Variants in CNTNAP5 observed in about 807,000 individuals in gnomAD.
CNTNAP5 encodes contactin-associated protein-like 5.
In CNTNAP5, 72 loss-of-function variants were observed where a neutral mutation model predicts 150.2. The observed-to-expected ratio is 0.48, with a 90% CI of 0.40 to 0.58. The LOEUF is 0.58. CNTNAP5 is among the 20% of genes least tolerant of loss of function. The probability of loss-of-function intolerance (pLI) is 0.00; values close to 1 mark genes in which losing one functional copy is unlikely to be tolerated. For missense variants in CNTNAP5, 1,636 were observed against 1,626.2 expected, an observed-to-expected ratio of 1.01 and a Z score of -0.10; for synonymous variants, 672 against 619.8, an observed-to-expected ratio of 1.08 and a Z score of -1.25.
chr2:124,149,615 A>G (rs1684354534), intron 1 of CNTNAP5, among the ~76,000 whole-genome samples: 1 of 152,152 alleles, frequency 6.6e-6, no homozygotes, highest in Admixed American at 6.5e-5. Flanking sequence ...GAAAAGAAAA[A>G]GACAGACTAA....
intron 3 of CNTNAP5, among the ~76,000 whole-genome samples, chr2:124,315,590 C>T (rs1005887267): frequency 4.6e-5 from 7 of 151,892 alleles, no homozygotes; most frequent in South Asian, 2.1e-4. Context: ...TTAGTATAAA[C>T]GTTTTGCTGC....
chr2:124,236,395 G>A (rs1224458555), intron 2 of CNTNAP5, among the ~76,000 whole-genome samples: 3 of 152,162 alleles, frequency 2.0e-5, no homozygotes, highest in African/African-American at 7.2e-5. Context: ...TACGCCCAGG[G>A]TTCTTGCCAA....
intron 1 of CNTNAP5, among the ~76,000 whole-genome samples, chr2:124,171,144 G>A (rs1032917633): frequency 2.6e-5 from 4 of 152,178 alleles, no homozygotes; most frequent in East Asian, 1.9e-4. Context: ...TAGAGTTACA[G>A]CAGCGATATA....
In CNTNAP5 at chr2:124,400,669, G is replaced by GTTTTTTTTT. The variant is rs760418441; in HGVS notation, c.382-16763_382-16755dup. 1.5e-3 allele frequency among the ~76,000 whole-genome samples: 125 copies of GTTTTTTTTT among 84,454 alleles called. 3 individuals are homozygous for GTTTTTTTTT. Among genetic ancestry groups the GTTTTTTTTT allele is most frequent in the Middle Eastern group, 7.7e-3 (1 of 130 alleles). 55.4% of individuals were successfully genotyped at this position (84,454 alleles called of 152,430 possible). A position where few individuals can be genotyped will look rare whatever the true frequency, so the allele number is the denominator to read the frequency against. ...TAATTTTTGAAAGGATAAAGGCATT[G>GTTTTTTTTT]TTTTTTTTTTTTTTTTTTTGTTTTT... is the stretch of plus-strand genomic sequence containing the variant. On this transcript the variant is annotated intron_variant, in intron 3 of 23. Coordinates refer to ENST00000682447, the MANE Select transcript of CNTNAP5 (RefSeq NM_001367498.1).
chr2:124,362,251 T>TG (rs1338629282), intron 3 of CNTNAP5, among the ~76,000 whole-genome samples: 1 of 152,234 alleles, frequency 6.6e-6, no homozygotes, highest in African/African-American at 2.4e-5. Context: ...CACATGGAAA[T>TG]GCAGAAATCA....
At chr2:124,685,874 CTT>C (rs1457226362) in intron 13 of CNTNAP5, among the ~76,000 whole-genome samples, 2 of 151,960 alleles carry the variant, frequency 1.3e-5, no homozygotes, top group Non-Finnish European at 2.9e-5. Flanking sequence ...TTATAATTCT[CTT>C]GAGTCCTCAT....
intron 1 of CNTNAP5, among the ~76,000 whole-genome samples, chr2:124,128,004 G>A (rs1312381252): frequency 6.6e-6 from 1 of 152,138 alleles, no homozygotes; most frequent in South Asian, 2.1e-4. Context: ...GCTTGGGCAA[G>A]GTCTTCATGA....
At chr2:124,274,876 T>C (rs1687848669) in intron 3 of CNTNAP5, among the ~76,000 whole-genome samples, 1 of 152,164 alleles carries the variant, frequency 6.6e-6, no homozygotes, top group South Asian at 2.1e-4. Flanking sequence ...TAAGCAGCTG[T>C]GCCCATAAAT....
chr2:124,399,043 C>T (rs1450730727), intron 3 of CNTNAP5, among the ~76,000 whole-genome samples: 1 of 152,124 alleles, frequency 6.6e-6, no homozygotes, highest in Non-Finnish European at 1.5e-5. Flanking sequence ...AAATTAATTC[C>T]TTTAGCTTGT....
intron 1 of CNTNAP5, among the ~76,000 whole-genome samples, chr2:124,070,059 C>T (rs944348139): frequency 8.6e-5 from 13 of 151,956 alleles, no homozygotes; most frequent in Non-Finnish European, 2.9e-5. Context: ...AGTTAAAATG[C>T]TCAGTTTTTA....
chr2:124,404,613 G>A lies in CNTNAP5; in HGVS notation c.382-12830G>A, dbSNP rs117696241. Among the ~76,000 whole-genome samples the A allele has an allele frequency of 4.0e-3, 610 of 152,272 alleles. 9 individuals are homozygous for A. In the East Asian group the frequency reaches 0.048, roughly 12 times the overall value. On this transcript the variant is annotated intron_variant, in intron 3 of 23. Transcript: ENST00000682447. Reference sequence around the variant, plus strand: ...ATGACTGAGTGGCAGAAGGGCAGGGGGTGAATGCTGACTGATACTCTTTTC... The same window carrying A: ...ATGACTGAGTGGCAGAAGGGCAGGGAGTGAATGCTGACTGATACTCTTTTC...
chr2:124,030,091 T>G (rs1198189324), intron 1 of CNTNAP5, among the ~76,000 whole-genome samples: 1 of 152,168 alleles, frequency 6.6e-6, no homozygotes, highest in Non-Finnish European at 1.5e-5. Context: ...ACCCCAATGA[T>G]CTTGCTGTAT....
intron 10 of CNTNAP5, among the ~76,000 whole-genome samples, chr2:124,538,025 G>A (rs1695280726): frequency 6.6e-6 from 1 of 152,158 alleles, no homozygotes; most frequent in Non-Finnish European, 1.5e-5. Context: ...CCAGAACCAT[G>A]AGCCAGGTGA....
chr2:124,195,918 T>A (rs1264728508), intron 1 of CNTNAP5, among the ~76,000 whole-genome samples: 1 of 152,190 alleles, frequency 6.6e-6, no homozygotes, highest in Non-Finnish European at 1.5e-5. Flanking sequence ...TGCAGAGTGC[T>A]GCCAAATTGC....
chr2:124,618,234 G>A (rs2104993221), intron 12 of CNTNAP5, among the ~76,000 whole-genome samples: 1 of 152,170 alleles, frequency 6.6e-6, no homozygotes, highest in South Asian at 2.1e-4. Context: ...TCTTCAGCAT[G>A]TGAGACTATT....
intron 8 of CNTNAP5, among the ~76,000 whole-genome samples, chr2:124,510,313 C>CTATATATCTATATATATA (rs1175360881): frequency 9.2e-5 from 5 of 54,290 alleles, no homozygotes; most frequent in African/African-American, 2.7e-4. Flanking sequence ...ATATATATAT[C>CTATATATCTATATATATA]TATATATCTA....
In CNTNAP5 at chr2:124,869,776, G is replaced by T. The variant is rs1006722317; in HGVS notation, c.3436+14G>T. On this transcript the variant is annotated intron_variant, in intron 21 of 23. Coordinates refer to ENST00000682447, the MANE Select transcript of CNTNAP5 (RefSeq NM_001367498.1). ...GCAAAGTCACAGGTATGTTGTTCTA[G>T]TTCATACCTTTCCAGTGGGCTTTAT... 1 of 1,475,194 alleles carries T rather than the reference G, an allele frequency of 6.8e-7. No individual in the cohort carries two copies. Among genetic ancestry groups the T allele is most frequent in the Non-Finnish European group, 9.5e-7 (1 of 1,055,606 alleles). The allele number at this position is 1,475,194 out of a possible 1,614,324, so 91.4% of individuals were successfully genotyped here.
intron 3 of CNTNAP5, among the ~76,000 whole-genome samples, chr2:124,331,211 G>A (rs1385285000): frequency 1.3e-5 from 2 of 151,932 alleles, no homozygotes; most frequent in East Asian, 3.9e-4. Context: ...TAAGCAACAA[G>A]AATTAAAATG....
chr2:124,122,654 G>A (rs548516274), intron 1 of CNTNAP5, among the ~76,000 whole-genome samples: 10 of 152,100 alleles, frequency 6.6e-5, no homozygotes, highest in African/African-American at 9.6e-5. Flanking sequence ...ACAGAGCTTC[G>A]ATTTACTGGA....
Sources: allele counts gnomAD v4.1 joint callset (sites outside exome capture counted in the v4.1 genomes callset), GRCh38; gene constraint gnomAD v4.1.1; transcripts MANE v1.5; gene names NCBI Gene and HGNC (gene_info 2026-07-23, HGNC 2026-07-21).